The following DAGLB variants were observed in gnomAD, a reference collection of about 807,000 sequenced individuals.
DAGLB encodes the protein diacylglycerol lipase beta, also known as diacylglycerol lipase-beta.
A neutral mutation model predicts 72.1 loss-of-function variants in DAGLB; 66 were observed. The observed-to-expected ratio is 0.92, with a 90% CI of 0.75 to 1.12. The LOEUF (loss-of-function observed/expected upper bound fraction) is 1.12. DAGLB is among the 50% of genes most tolerant of loss of function. The probability of loss-of-function intolerance (pLI) is 0.00; values close to 1 mark genes in which losing one functional copy is unlikely to be tolerated. For missense variants in DAGLB, 1,065 were observed against 884.9 expected (o/e 1.20, Z -2.58); for synonymous variants, 414 against 359.5 (o/e 1.15, Z -1.71).
At chr7:6,442,729 T>G (rs1784871429) in intron 2 of DAGLB, among the ~76,000 whole-genome samples, 1 of 152,164 alleles carries the variant, frequency 6.6e-6, no homozygotes, top group Admixed American at 6.6e-5. Context: ...TCCAGCCTCC[T>G]TGCGTGGATG....
intron 2 of DAGLB, among the ~76,000 whole-genome samples, chr7:6,438,469 G>C (rs182566114): frequency 3.0e-4 from 45 of 152,110 alleles, no homozygotes; most frequent in Admixed American, 7.2e-4. Context: ...ACCTCTCTGA[G>C]GGGGAAAGGG....
intron 4 of DAGLB, 24 bp downstream of exon 4, chr7:6,434,738 C>A: frequency 6.2e-7 from 1 of 1,613,148 alleles, no homozygotes; most frequent in Non-Finnish European, 8.5e-7. Context: ...AAGAAACAGA[C>A]CAAACCAGAT....
intron 6 of DAGLB, among the ~76,000 whole-genome samples, chr7:6,428,315 CAAAAAAAAAAAA>C (rs749361631): frequency 1.3e-5 from 1 of 77,014 alleles, no homozygotes; most frequent in Non-Finnish European, 2.6e-5. Context: ...GACTCTGTCT[CAAAAAAAAAAAA>C]AAAAAAAAGA....
chr7:6,419,767 C>G (rs941215161), intron 9 of DAGLB, among the ~76,000 whole-genome samples: 4 of 152,230 alleles, frequency 2.6e-5, no homozygotes, highest in Non-Finnish European at 5.9e-5. Flanking sequence ...TCTGGGGCAT[C>G]TCTGTACTAA....
chr7:6,436,544 A>G lies in DAGLB; in HGVS notation c.248-11T>C. On this transcript the variant is annotated splice_polypyrimidine_tract_variant and intron_variant, in intron 2 of 14. Transcript: ENST00000297056. The stretch of plus-strand genomic sequence containing the variant: ...GGTTACAAATCGTTCCTGAAATACA[A>G]AAAACGTTCCGACTGCTCAGTTGCT... The G allele has an allele frequency of 6.2e-7, 1 of 1,613,768 alleles. No homozygotes were observed. Among genetic ancestry groups the G allele is most frequent in the Non-Finnish European group, 8.5e-7 (1 of 1,179,944 alleles).
At chr7:6,425,744 AAC>A (rs1168832518) in intron 7 of DAGLB, among the ~76,000 whole-genome samples, 4 of 152,220 alleles carry the variant, frequency 2.6e-5, no homozygotes, top group Admixed American at 6.5e-5. Context: ...CGAGGTAAGA[AAC>A]ACAGCGCGCT....
chr7:6,411,075 G>A (rs1041081155), intron 13 of DAGLB, among the ~76,000 whole-genome samples: 6 of 151,774 alleles, frequency 4.0e-5, no homozygotes, highest in Non-Finnish European at 8.8e-5. Flanking sequence ...TAATAGAGAC[G>A]GGGTTTCACC....
intron 9 of DAGLB, among the ~76,000 whole-genome samples, chr7:6,418,580 C>T (rs918850386): frequency 1.2e-4 from 18 of 152,108 alleles, no homozygotes; most frequent in Admixed American, 3.9e-4. Flanking sequence ...CGTGCAGCTT[C>T]GATTCTAATA....
Position 6,410,192 on chromosome 7 carries a change from C to T in DAGLB, c.1758G>A (p.Lys586=), listed in dbSNP as rs756853830. The change falls in exon 14 of 15, where the codon AAG becomes AAA. Residue 586 remains lysine, a synonymous_variant. Transcript: ENST00000297056. ...TGCCGGGAGGGTAGAGAGGGGGGTACTTGGGAGAAGAGTCCAGTGGGGAGT... is the reference window on the plus strand; with the variant it reads ...TGCCGGGAGGGTAGAGAGGGGGGTATTTGGGAGAAGAGTCCAGTGGGGAGT... ...SSDSPLDSSP[K]YPPLYPPGRI... The T allele has an allele frequency of 3.1e-6, 5 of 1,601,026 alleles. No individual in the cohort carries two copies. The highest frequency in any genetic ancestry group is 2.2e-5 in the East Asian group (1 of 44,556).
chr7:6,440,821 A>T (rs1430731702), intron 2 of DAGLB, among the ~76,000 whole-genome samples: 2 of 152,058 alleles, frequency 1.3e-5, no homozygotes, highest in African/African-American at 4.8e-5. Context: ...GTGAGCTGAG[A>T]TCCCACCACT....
chr7:6,433,181 A>C (rs1315076542), intron 4 of DAGLB, among the ~76,000 whole-genome samples: 1 of 152,222 alleles, frequency 6.6e-6, no homozygotes, highest in African/African-American at 2.4e-5. Context: ...AGAATATAAA[A>C]ATGCTATTCG....
In DAGLB at chr7:6,410,220, C is replaced by T. The variant is rs1783673791; in HGVS notation, c.1730G>A (p.Ser577Asn). The change falls in exon 14 of 15, where the codon AGC becomes AAC. Residue 577 changes from serine to asparagine, a missense_variant. Transcript: ENST00000297056. ...GGGAGAAGAGTCCAGTGGGGAGTCG[C>T]TGGAGAAGCTGTAGGCCGGGGACCA... is the stretch of plus-strand genomic sequence containing the variant. ...TRWSPAYSFSSDSPLDSSPKY... is the reference protein window; with the variant it reads ...TRWSPAYSFSNDSPLDSSPKY... The T allele has an allele frequency of 1.2e-6, 2 of 1,610,208 alleles. No individual in the cohort carries two copies. The highest frequency in any genetic ancestry group is 1.7e-6 in the Non-Finnish European group (2 of 1,178,078).
At position 6,409,147 on chromosome 7, in the gene DAGLB, A is replaced by ATTGT. The variant is rs1438306721; in HGVS notation, c.*686_*689dup. On this transcript the variant is annotated 3_prime_UTR_variant, in exon 15 of 15. Coordinates refer to ENST00000297056, the MANE Select transcript of DAGLB (RefSeq NM_139179.4). ...CAAGCACTATGGTGACGCGCGCTTT[A>ATTGT]TTGTTTCAACTCCTGAATCCACTGG... The ATTGT allele has an allele frequency of 2.0e-5, 3 of 153,468 alleles. No individual in the cohort carries two copies. The highest frequency in any genetic ancestry group is 7.2e-5 in the African/African-American group (3 of 41,438). 9.5% of individuals were successfully genotyped at this position (153,468 alleles called of 1,614,324 possible).
intron 8 of DAGLB, chr7:6,422,650 C>G (rs995302759): frequency 6.5e-6 from 1 of 153,124 alleles, no homozygotes; most frequent in African/African-American, 2.4e-5. Context: ...AAGCAAACAC[C>G]GCATGGTCTG....
intron 6 of DAGLB, among the ~76,000 whole-genome samples, chr7:6,428,314 T>TG (rs1784374487): frequency 9.0e-5 from 3 of 33,184 alleles, no homozygotes; most frequent in Admixed American, 4.2e-4. Flanking sequence ...AGACTCTGTC[T>TG]CAAAAAAAAA....
Position 6,409,798 on chromosome 7 carries a change from T to G in DAGLB, c.*39A>C, listed in dbSNP as rs2115231685. On this transcript the variant is annotated 3_prime_UTR_variant, in exon 15 of 15. Coordinates refer to ENST00000297056, the MANE Select transcript of DAGLB (RefSeq NM_139179.4). ...GTAAGTCAGTTTAAGGACAAAAGCG[T>G]GAGTCCATCGTTCCTGGGACAGTTT... is the stretch of plus-strand genomic sequence containing the variant. The G allele has an allele frequency of 1.9e-6, 3 of 1,597,656 alleles. No individual in the cohort carries two copies. The highest frequency in any genetic ancestry group is 1.1e-5 in the South Asian group (1 of 89,826).
chr7:6,447,602 TG>T, intron 1 of DAGLB, 145 bp downstream of exon 1: 1 of 1,143,156 alleles, frequency 8.7e-7, no homozygotes, highest in Non-Finnish European at 1.2e-6. Context: ...CTTCGGGCAG[TG>T]GTGAGAACTC....
chr7:6,410,883 T>C (rs1177904228), intron 13 of DAGLB, among the ~76,000 whole-genome samples: 44 of 109,052 alleles, frequency 4.0e-4, no homozygotes, highest in Admixed American at 1.8e-3. Flanking sequence ...TTTTTGTATT[T>C]TTTTTTTTTT....
chr7:6,410,012 TGAGCAGCA>T lies in DAGLB; in HGVS notation c.1836_1843del (p.Ala613LeufsTer2), dbSNP rs755849106. 3 of 1,613,670 alleles carry T rather than the reference TGAGCAGCA, an allele frequency of 1.9e-6. No individual in the cohort carries two copies. Among genetic ancestry groups the T allele is most frequent in the African/African-American group, 2.7e-5 (2 of 74,930 alleles). On this transcript the variant is annotated frameshift_variant, in exon 15 of 15. Coordinates refer to ENST00000297056, the MANE Select transcript of DAGLB (RefSeq NM_139179.4). LOFTEE classifies it low-confidence loss of function (END_TRUNC). ...TTCGTGTGACCACTTGGCGCTATAG[TGAGCAGCA>T]GAGCAGCAGCCAAACCTGAAGCAGA...
Sources: allele counts gnomAD v4.1 joint callset (sites outside exome capture counted in the v4.1 genomes callset), GRCh38; gene constraint gnomAD v4.1.1; transcripts MANE v1.5; gene names NCBI Gene and HGNC (gene_info 2026-07-23, HGNC 2026-07-21).